The following GALNT2 variants were observed in gnomAD, a reference collection of about 807,000 sequenced individuals.
GALNT2 encodes UDP-GalNAc:polypeptide N-acetylgalactosaminyltransferase 2.
In GALNT2, 31 loss-of-function variants were observed where a neutral mutation model predicts 81.4. The ratio of observed to expected loss-of-function variants is 0.38; its 90% CI spans 0.29 to 0.51. The LOEUF (loss-of-function observed/expected upper bound fraction) is 0.51. GALNT2 is among the 20% of genes least tolerant of loss of function. The probability of loss-of-function intolerance (pLI) is 0.87; values close to 1 mark genes in which losing one functional copy is unlikely to be tolerated. For synonymous variants in GALNT2, 303 were observed against 287.4 expected (o/e 1.05, Z -0.55); for missense variants, 629 against 765.7 (o/e 0.82, Z 2.11).
chr1:230,078,834 C>T (rs1179679741), intron 1 of GALNT2, among the ~76,000 whole-genome samples: 1 of 152,180 alleles, frequency 6.6e-6, no homozygotes, highest in African/African-American at 2.4e-5. Flanking sequence ...GTCAGGGTCT[C>T]ACCCTATCAC....
At chr1:230,248,078 CTT>C (rs1229992571) in intron 8 of GALNT2, among the ~76,000 whole-genome samples, 1 of 152,158 alleles carries the variant, frequency 6.6e-6, no homozygotes, top group African/African-American at 2.4e-5. Flanking sequence ...TTCCCTCTCT[CTT>C]TGCCTGAGGC....
At chr1:230,248,044 C>G (rs1463651655) in intron 8 of GALNT2, among the ~76,000 whole-genome samples, 1 of 152,114 alleles carries the variant, frequency 6.6e-6, no homozygotes, top group Non-Finnish European at 1.5e-5. Context: ...CATTTCTGTC[C>G]CCACTGCCTG....
At chr1:230,162,546 C>A (rs912599097) in intron 1 of GALNT2, among the ~76,000 whole-genome samples, 8 of 152,282 alleles carry the variant, frequency 5.3e-5, no homozygotes, top group Non-Finnish European at 1.0e-4. Context: ...AGATTCCCTC[C>A]ATAGAAGCTA....
rs1666382937 is a variant in GALNT2 at position 230,279,640 on chromosome 1, G to A, written c.*182G>A. ...TGTGCAGACACAGCAGCGGCAAGAAGCGAGAACTGCCCTCCCCCTCCTCTC... is the reference window on the plus strand; with the variant it reads ...TGTGCAGACACAGCAGCGGCAAGAAACGAGAACTGCCCTCCCCCTCCTCTC... On this transcript the variant is annotated 3_prime_UTR_variant, in exon 16 of 16. Transcript: ENST00000366672. This position sits in a 1 kb window ranked among gnomAD's most constrained non-coding sequence, Gnocchi z 4.6. 1 of 734,390 alleles carries A rather than the reference G, an allele frequency of 1.4e-6. No individual in the cohort carries two copies. Among genetic ancestry groups the A allele is most frequent in the African/African-American group, 1.8e-5 (1 of 56,288 alleles). The allele number at this position is 734,390 out of a possible 1,614,324, so 45.5% of individuals were successfully genotyped here. A position where few individuals can be genotyped will look rare whatever the true frequency, so the allele number is the denominator to read the frequency against.
chr1:230,072,779 G>T (rs1310670510), intron 1 of GALNT2, among the ~76,000 whole-genome samples: 1 of 152,124 alleles, frequency 6.6e-6, no homozygotes, highest in Middle Eastern at 3.2e-3. Flanking sequence ...CTTTCCTTGG[G>T]ATCTCTTTCC....
chr1:230,233,247 C>T (rs1395147220), intron 3 of GALNT2, among the ~76,000 whole-genome samples: 2 of 152,208 alleles, frequency 1.3e-5, no homozygotes, highest in African/African-American at 4.8e-5. Flanking sequence ...ACTGATTTCC[C>T]ATCTGAGATA....
At chr1:230,194,846 G>C (rs2102699808) in intron 2 of GALNT2, among the ~76,000 whole-genome samples, 1 of 152,340 alleles carries the variant, frequency 6.6e-6, no homozygotes, top group East Asian at 1.9e-4. Context: ...GGAGCAGAGA[G>C]AGCTGTGGCA....
intron 3 of GALNT2, among the ~76,000 whole-genome samples, chr1:230,226,602 C>G (rs946208900): frequency 6.6e-6 from 1 of 152,174 alleles, no homozygotes; most frequent in African/African-American, 2.4e-5. Flanking sequence ...CTGCAGGGCT[C>G]CCTGGGCTGC....
At chr1:230,224,139 G>A (rs76241632) in intron 3 of GALNT2, among the ~76,000 whole-genome samples, 2 of 152,306 alleles carry the variant, frequency 1.3e-5, no homozygotes, top group East Asian at 3.9e-4. Flanking sequence ...GAGGACGATG[G>A]TGGGCACCAG....
chr1:230,133,019 T>C (rs1007000055), intron 1 of GALNT2, among the ~76,000 whole-genome samples: 13 of 152,264 alleles, frequency 8.5e-5, no homozygotes, highest in African/African-American at 2.9e-4. Flanking sequence ...TTATTCTGTT[T>C]GGTTTTTTAA....
intron 1 of GALNT2, among the ~76,000 whole-genome samples, chr1:230,159,367 G>A (rs928441915): frequency 7.9e-5 from 12 of 152,130 alleles, no homozygotes; most frequent in African/African-American, 2.7e-4. Context: ...TTATTAGAAG[G>A]ATCAGAAGAA....
chr1:230,097,730 CA>C (rs1424341653), intron 1 of GALNT2, among the ~76,000 whole-genome samples: 2 of 152,158 alleles, frequency 1.3e-5, no homozygotes, highest in African/African-American at 4.8e-5. Flanking sequence ...TTTTAACATT[CA>C]AATGACACAT....
At chr1:230,194,203 C>T (rs1663616593) in intron 2 of GALNT2, among the ~76,000 whole-genome samples, 1 of 152,162 alleles carries the variant, frequency 6.6e-6, no homozygotes, top group African/African-American at 2.4e-5. Flanking sequence ...GGGAGGCATG[C>T]CGACTAAGTC....
intron 13 of GALNT2, chr1:230,264,972 CAAAAAAAAAA>C (rs67239229): frequency 3.7e-3 from 628 of 170,602 alleles, no homozygotes; most frequent in East Asian, 0.024. Context: ...CCTTCCTTTC[CAAAAAAAAAA>C]AAAAAAAAAA....
intron 1 of GALNT2, among the ~76,000 whole-genome samples, chr1:230,166,007 GC>G (rs1662589847): frequency 6.6e-6 from 1 of 152,206 alleles, no homozygotes; most frequent in Non-Finnish European, 1.5e-5. Context: ...TGGAGTCTGG[GC>G]TTTGATGGGA....
In GALNT2 at chr1:230,203,146, G is replaced by C; in HGVS notation, c.230G>C (p.Arg77Pro). The change falls in exon 3 of 16, where the codon CGG becomes CCG. Residue 77 changes from arginine to proline, a missense_variant. Arg to Pro is a moderately radical substitution (Grantham distance 103). Transcript: ENST00000366672. ...GCTCTGCTCTTTTTAGGGAAAGTAC[G>C]GTGGCCAGACTTTAACCAGGAAGCT... Reference protein sequence around the residue: ...SMETLPPGKVRWPDFNQEAYV... With the variant: ...SMETLPPGKVPWPDFNQEAYV... 6.2e-7 allele frequency: 1 copy of C among 1,613,866 alleles called. No individual in the cohort carries two copies. Among genetic ancestry groups the C allele is most frequent in the Non-Finnish European group, 8.5e-7 (1 of 1,179,826 alleles).
chr1:230,239,469 C>CCCAAAGCTG (rs1479064640), intron 6 of GALNT2, among the ~76,000 whole-genome samples: 1 of 152,192 alleles, frequency 6.6e-6, no homozygotes, highest in East Asian at 1.9e-4. Context: ...GTCCAATAGT[C>CCCAAAGCTG]CCAAAGCTGA....
chr1:230,188,588 C>A (rs1387343015), intron 2 of GALNT2, among the ~76,000 whole-genome samples: 1 of 152,186 alleles, frequency 6.6e-6, no homozygotes, highest in African/African-American at 2.4e-5. Flanking sequence ...AATCTCTATT[C>A]TCAGATTGGA....
At chr1:230,109,284 G>A (rs537902257) in intron 1 of GALNT2, among the ~76,000 whole-genome samples, 4 of 152,146 alleles carry the variant, frequency 2.6e-5, no homozygotes, top group Non-Finnish European at 4.4e-5. Context: ...GTGGGGTGGC[G>A]GCTGCAGCAG....
Sources: allele counts gnomAD v4.1 joint callset (sites outside exome capture counted in the v4.1 genomes callset), GRCh38; gene constraint gnomAD v4.1.1; non-coding constraint Gnocchi (gnomAD v3.1); transcripts MANE v1.5; gene names NCBI Gene and HGNC (gene_info 2026-07-23, HGNC 2026-07-21).